The following IL17B variants were observed in gnomAD, a reference collection of about 807,000 sequenced individuals.
IL17B encodes the protein interleukin 17B, also known as interleukin-17B.
In IL17B, 14 loss-of-function variants were observed where a neutral mutation model predicts 14.7. The observed-to-expected ratio is 0.95, with a 90% CI of 0.63 to 1.49. The LOEUF is 1.49. Ranked by LOEUF, IL17B falls within the 40% of genes most tolerant of loss-of-function variation. The probability of loss-of-function intolerance (pLI) is 0.00; values close to 1 mark genes in which losing one functional copy is unlikely to be tolerated. For synonymous variants in IL17B, 105 were observed against 94.8 expected, an observed-to-expected ratio of 1.11 and a Z score of -0.62; for missense variants, 233 against 252.8, an observed-to-expected ratio of 0.92 and a Z score of 0.53.
At chr5:149,398,889 A>C (rs1759151971) in intron 1 of IL17B, among the ~76,000 whole-genome samples, 1 of 152,226 alleles carries the variant, frequency 6.6e-6, no homozygotes, top group Non-Finnish European at 1.5e-5. Flanking sequence ...GTGACAGAGC[A>C]AAACTCTGTC....
chr5:149,379,053 CTG>C, intron 1 of IL17B, 150 bp downstream of exon 1: 1 of 929,642 alleles, frequency 1.1e-6, no homozygotes, highest in Non-Finnish European at 1.7e-6. Flanking sequence ...TGACCAGTCT[CTG>C]TTTCTTTCTA....
upstream of IL17B, among the ~76,000 whole-genome samples, chr5:149,382,549 T>C (rs1043114892): frequency 6.6e-6 from 1 of 152,376 alleles, no homozygotes; most frequent in Non-Finnish European, 1.5e-5. Context: ...AGTTTTATTC[T>C]GAATTACAGA....
chr5:149,395,583 C>T (rs1021632472), intron 1 of IL17B, among the ~76,000 whole-genome samples: 1 of 152,186 alleles, frequency 6.6e-6, no homozygotes, highest in Non-Finnish European at 1.5e-5. Context: ...CAGGCAAATG[C>T]GACTTTAATT....
At position 149,376,761 on chromosome 5, in the gene IL17B, T is replaced by C; in HGVS notation, c.286A>G (p.Arg96Gly). The C allele has an allele frequency of 6.2e-7, 1 of 1,611,984 alleles. No individual in the cohort carries two copies. Among genetic ancestry groups the C allele is most frequent in the South Asian group, 1.1e-5 (1 of 90,698 alleles). The change falls in exon 2 of 3, where the codon AGG becomes GGG. Residue 96 changes from arginine (R) to glycine (G), a missense_variant. Transcript: ENST00000261796. ...VNLQLWMSNK[R>G]SLSPWGYSIN... ...CTGTAGCCCCAGGGAGACAGGCTCCTCTTGTTGGACATCCACAGCTGCAAG... is the reference window on the plus strand; with the variant it reads ...CTGTAGCCCCAGGGAGACAGGCTCCCCTTGTTGGACATCCACAGCTGCAAG...
rs922917284 is a variant in IL17B, at chr5:149,377,038, G to T, written c.22-13C>A. On this transcript the variant is annotated splice_polypyrimidine_tract_variant and intron_variant, in intron 1 of 2. Coordinates refer to ENST00000261796, the MANE Select transcript of IL17B (RefSeq NM_014443.3). The stretch of plus-strand genomic sequence containing the variant: ...TAAGAAGAAACAGCTGGGGAGGAAA[G>T]CCACAGGTCAAAGGTGGGAGAGCCA... 6.5e-7 allele frequency: 1 copy of T among 1,532,454 alleles called. No individual in the cohort carries two copies. Among genetic ancestry groups the T allele is most frequent in the African/African-American group, 1.4e-5 (1 of 72,052 alleles). 94.9% of individuals were successfully genotyped at this position (1,532,454 alleles called of 1,614,324 possible).
At chr5:149,387,532 G>A (rs1308139069) in intron 1 of IL17B, among the ~76,000 whole-genome samples, 1 of 152,184 alleles carries the variant, frequency 6.6e-6, no homozygotes, top group Admixed American at 6.5e-5. Context: ...ACTTTGAGAG[G>A]CCGAGGCAGG....
intron 1 of IL17B, among the ~76,000 whole-genome samples, chr5:149,390,162 G>A (rs2431719): frequency 0.55 from 82,865 of 151,234 alleles, 23,796 homozygotes; most frequent in African/African-American, 0.72. Flanking sequence ...TAATTATCAT[G>A]TTACTCTAGT....
intron 1 of IL17B, 149 bp downstream of exon 1, chr5:149,379,056 T>C: frequency 2.1e-6 from 2 of 965,718 alleles, no homozygotes; most frequent in Non-Finnish European, 1.6e-6. Context: ...CCAGTCTCTG[T>C]TTCTTTCTAG....
At chr5:149,398,865 G>A (rs1759151278) in intron 1 of IL17B, among the ~76,000 whole-genome samples, 1 of 152,172 alleles carries the variant, frequency 6.6e-6, no homozygotes, top group Non-Finnish European at 1.5e-5. Flanking sequence ...TGTCACCACT[G>A]TACTCCAGCC....
chr5:149,393,566 C>T (rs1355905137), intron 1 of IL17B, among the ~76,000 whole-genome samples: 1 of 152,168 alleles, frequency 6.6e-6, no homozygotes, highest in East Asian at 1.9e-4. Flanking sequence ...TTTCACTGAG[C>T]TCTCTCATAT....
intron 1 of IL17B, among the ~76,000 whole-genome samples, chr5:149,392,370 T>A (rs1324230016): frequency 2.0e-5 from 3 of 152,236 alleles, no homozygotes; most frequent in African/African-American, 7.2e-5. Context: ...GGCACTTCCG[T>A]GCAGTGGAAC....
intron 1 of IL17B, among the ~76,000 whole-genome samples, chr5:149,401,285 T>C (rs754748982): frequency 2.0e-5 from 3 of 152,256 alleles, no homozygotes; most frequent in Non-Finnish European, 4.4e-5. Context: ...TTCCTGCACA[T>C]GGACCCTGAC....
chr5:149,392,985 T>C (rs62380284), intron 1 of IL17B, among the ~76,000 whole-genome samples: 264 of 148,530 alleles, frequency 1.8e-3, no homozygotes, highest in South Asian at 7.1e-3. Flanking sequence ...TGCGTGTGTG[T>C]GTGCGTGTGT....
upstream of IL17B, among the ~76,000 whole-genome samples, chr5:149,380,231 G>T (rs1055815739): frequency 2.0e-5 from 3 of 152,112 alleles, no homozygotes; most frequent in South Asian, 6.2e-4. Context: ...AGAATGGGAA[G>T]AATCATGGCA....
intron 1 of IL17B, among the ~76,000 whole-genome samples, chr5:149,394,474 A>G (rs1347069921): frequency 2.0e-5 from 3 of 152,258 alleles, no homozygotes; most frequent in Non-Finnish European, 4.4e-5. Flanking sequence ...ATGCTTTTAC[A>G]TACACGCATT....
intron 1 of IL17B, among the ~76,000 whole-genome samples, chr5:149,402,761 T>C (rs1181138534): frequency 1.3e-5 from 2 of 151,338 alleles, no homozygotes; most frequent in Non-Finnish European, 2.9e-5. Context: ...CTCAGCACTT[T>C]GAGAGGCCGA....
chr5:149,401,721 C>G (rs1251540771), intron 1 of IL17B, among the ~76,000 whole-genome samples: 1 of 152,110 alleles, frequency 6.6e-6, no homozygotes, highest in African/African-American at 2.4e-5. Flanking sequence ...CACCACTGCA[C>G]TCCAGCCTGG....
intron 1 of IL17B, among the ~76,000 whole-genome samples, chr5:149,391,043 T>C (rs1481585988): frequency 6.6e-6 from 1 of 152,070 alleles, no homozygotes; most frequent in African/African-American, 2.4e-5. Flanking sequence ...CTATCTCAGC[T>C]CACTGCAATC....
intron 1 of IL17B, among the ~76,000 whole-genome samples, chr5:149,377,641 G>A (rs921762783): frequency 3.9e-5 from 6 of 152,320 alleles, no homozygotes; most frequent in Middle Eastern, 3.4e-3. Flanking sequence ...TCTCCCTAGC[G>A]ACAAGTCCAG....
Sources: allele counts gnomAD v4.1 joint callset (sites outside exome capture counted in the v4.1 genomes callset), GRCh38; gene constraint gnomAD v4.1.1; transcripts MANE v1.5; gene names NCBI Gene and HGNC (gene_info 2026-07-23, HGNC 2026-07-21).